The following DSG3 variants were observed in gnomAD, a reference collection of about 807,000 sequenced individuals.
The protein encoded by DSG3 is desmoglein 3, also known as desmoglein-3.
In DSG3, 63 loss-of-function variants were observed where a neutral mutation model predicts 85.9. The observed-to-expected ratio is 0.73, with a 90% confidence interval of 0.60 to 0.90. DSG3 has a LOEUF of 0.90. Among genes scored for constraint, DSG3 ranks in the 40% least tolerant of loss-of-function variants. The pLI is 0.00. For missense variants in DSG3, 1,220 were observed against 1,219.9 expected (o/e 1.00, Z 0.00); for synonymous variants, 447 against 441.9 (o/e 1.01, Z -0.14).
At chr18:31,468,645 A>G (rs2072836500) in intron 11 of DSG3, among the ~76,000 whole-genome samples, 1 of 152,164 alleles carries the variant, frequency 6.6e-6, no homozygotes, top group African/African-American at 2.4e-5. Flanking sequence ...AATAAGTAGT[A>G]AGAGTGTAAG....
In DSG3 at chr18:31,469,355, T is replaced by A. The variant is rs1252920744; in HGVS notation, c.1897+6T>A. ...TGGTCTCCTGCTGCTGCTGTGTGAG[T>A]AGCCAATGTTTCATTCTCTGTTGGA... On this transcript the variant is annotated splice_donor_region_variant and intron_variant, in intron 12 of 15. Coordinates refer to ENST00000257189, the MANE Select transcript of DSG3 (RefSeq NM_001944.3). 1.2e-6 allele frequency: 2 copies of A among 1,612,098 alleles called. No homozygotes were observed. The highest frequency in any genetic ancestry group is 2.7e-5 in the African/African-American group (2 of 74,850).
chr18:31,469,106 A>T lies in DSG3; in HGVS notation c.1654A>T (p.Arg552Ter). ...CTCTACAGCTACCTCGGCCCTCCTC[A>T]GAGCCCAGGAACAGATACCTCCTGG... ...TTLNATSALL[R>*]AQEQIPPGVY... The change falls in exon 12 of 16, where the codon AGA becomes TGA. Residue 552 changes from arginine to a stop codon, truncating the protein, a stop_gained. Transcript: ENST00000257189. LOFTEE classifies it high-confidence loss of function. 6.2e-7 allele frequency: 1 copy of T among 1,613,954 alleles called. No individual in the cohort carries two copies. Among genetic ancestry groups the T allele is most frequent in the South Asian group, 1.1e-5 (1 of 91,084 alleles).
chr18:31,447,772 G>A lies in DSG3; in HGVS notation c.-106G>A. 2 of 896,320 alleles carry A rather than the reference G, an allele frequency of 2.2e-6. No homozygotes were observed. Among genetic ancestry groups the A allele is most frequent in the South Asian group, 1.9e-5 (1 of 51,768 alleles). The allele number at this position is 896,320 out of a possible 1,614,324, so 55.5% of individuals were successfully genotyped here. On this transcript the variant is annotated 5_prime_UTR_variant, in exon 1 of 16. Coordinates refer to ENST00000257189, the MANE Select transcript of DSG3 (RefSeq NM_001944.3). ...GACCATCTGTAGACTCCTTCGGAAAGCAGCAGAGACGCTGCAGAGGGCTTT... is the reference window on the plus strand; with the variant it reads ...GACCATCTGTAGACTCCTTCGGAAAACAGCAGAGACGCTGCAGAGGGCTTT...
chr18:31,465,266 T>A, intron 9 of DSG3, 52 bp from the exon 10 acceptor site: 3 of 1,253,678 alleles, frequency 2.4e-6, no homozygotes, highest in Non-Finnish European at 3.1e-6. Context: ...TCATTAAATA[T>A]GTAACATTCC....
chr18:31,457,699 C>G (rs1368030103), intron 3 of DSG3, among the ~76,000 whole-genome samples: 1 of 151,694 alleles, frequency 6.6e-6, no homozygotes, highest in Admixed American at 6.6e-5. Context: ...GCGATCTCAG[C>G]TCACTGCAAC....
chr18:31,476,065 G>T lies in DSG3; in HGVS notation c.2805G>T (p.Glu935Asp). 1 of 1,614,212 alleles carries T rather than the reference G, an allele frequency of 6.2e-7. No homozygotes were observed. Among genetic ancestry groups the T allele is most frequent in the Non-Finnish European group, 8.5e-7 (1 of 1,180,046 alleles). The change falls in exon 16 of 16, where the codon GAG becomes GAT. Residue 935 changes from glutamate to aspartate, a missense_variant. Physicochemically the swap from Glu to Asp is conservative, Grantham distance 45. Transcript: ENST00000257189. ...PLQHGNYLVT[E>D]TYSASGSLVQ... Reference sequence around the variant, plus strand: ...AGCATGGTAACTATTTAGTAACGGAGACTTACTCGGCTTCTGGTTCCCTCG... The same window carrying T: ...AGCATGGTAACTATTTAGTAACGGATACTTACTCGGCTTCTGGTTCCCTCG...
intron 12 of DSG3, among the ~76,000 whole-genome samples, chr18:31,469,660 C>T (rs113008749): frequency 6.3e-4 from 96 of 152,178 alleles, no homozygotes; most frequent in African/African-American, 2.1e-3. Flanking sequence ...AAAATTATGG[C>T]TTTATCCAAG....
chr18:31,454,606 A>G (rs2072730344), intron 1 of DSG3, among the ~76,000 whole-genome samples: 1 of 152,024 alleles, frequency 6.6e-6, no homozygotes, highest in African/African-American at 2.4e-5. Flanking sequence ...TTCAAGAGCA[A>G]CCATAGTCTT....
In DSG3 at chr18:31,457,116, A is replaced by G; in HGVS notation, c.208A>G (p.Ile70Val). The G allele has an allele frequency of 6.2e-7, 1 of 1,612,048 alleles. No individual in the cohort carries two copies. The highest frequency in any genetic ancestry group is 8.5e-7 in the Non-Finnish European group (1 of 1,179,404). Residue 70 changes from isoleucine to valine, a missense_variant, in exon 3 of 16, where the codon ATT (isoleucine) becomes GTT (valine). Ile to Val is a conservative substitution (Grantham distance 29). Coordinates refer to ENST00000257189, the MANE Select transcript of DSG3 (RefSeq NM_001944.3). ...EGEDNSKRNP[I>V]AKITSDYQAT... ...AGAAGATAACTCAAAAAGAAACCCA[A>G]TTGCCAAGGTAAGTTATATCAACAG...
In DSG3 at chr18:31,466,562, T is replaced by C; in HGVS notation, c.1444T>C (p.Tyr482His). 6.2e-7 allele frequency: 1 copy of C among 1,613,552 alleles called. No individual in the cohort carries two copies. Among genetic ancestry groups the C allele is most frequent in the Non-Finnish European group, 8.5e-7 (1 of 1,179,420 alleles). ...GGGTAAAACTTCTACAGGCACGGTA[T>C]ATGTTAGAGTACCCGATTTCAATGA... ...YTGKTSTGTV[Y>H]VRVPDFNDNC... The change falls in exon 11 of 16, where the codon TAT (tyrosine) becomes CAT (histidine). Residue 482 changes from tyrosine to histidine, a missense_variant. Physicochemically the swap from Tyr to His is moderately conservative, Grantham distance 83. Coordinates refer to ENST00000257189, the MANE Select transcript of DSG3 (RefSeq NM_001944.3).
chr18:31,458,855 C>T (rs1396726778), intron 4 of DSG3, among the ~76,000 whole-genome samples, 178 bp from the exon 5 acceptor site: 1 of 152,224 alleles, frequency 6.6e-6, no homozygotes, highest in Non-Finnish European at 1.5e-5. Context: ...GAAGGGGCAA[C>T]TTGCCCAGTT....
chr18:31,456,585 T>G (rs977747513), intron 2 of DSG3, 110 bp downstream of exon 2: 32 of 533,468 alleles, frequency 6.0e-5, no homozygotes, highest in Non-Finnish European at 8.8e-5. Flanking sequence ...TTCAATAATT[T>G]AATTGTGAAA....
chr18:31,472,562 A>AT, intron 13 of DSG3, 139 bp downstream of exon 13: 1 of 1,256,154 alleles, frequency 8.0e-7, no homozygotes, highest in South Asian at 1.5e-5. Flanking sequence ...GGCTTTTAGG[A>AT]TTTTAGCTCT....
chr18:31,477,816 C>G lies in DSG3; in HGVS notation c.*1556C>G, dbSNP rs1490668310. On this transcript the variant is annotated 3_prime_UTR_variant, in exon 16 of 16. Transcript: ENST00000257189. ...GCTTACTGACATTGTCTTAGCTGAT[C>G]ACAAGATCATTATCAGCCTCCATTA... 1.3e-5 allele frequency: 2 copies of G among 152,230 alleles called. No homozygotes were observed. Among genetic ancestry groups the G allele is most frequent in the South Asian group, 2.1e-4 (1 of 4,830 alleles). The allele number at this position is 152,230 out of a possible 1,614,324, so 9.4% of individuals were successfully genotyped here.
intron 8 of DSG3, among the ~76,000 whole-genome samples, chr18:31,462,965 A>G (rs1384393902): frequency 6.6e-6 from 1 of 152,204 alleles, no homozygotes; most frequent in Non-Finnish European, 1.5e-5. Flanking sequence ...TTCCCTTGAC[A>G]GTAAGGGTGT....
rs537996572 is a variant in DSG3, at chr18:31,451,607, G to A, written c.48+3682G>A. ...TAAGATATCTCTTCTTCTCCTGATT[G>A]ACCCAGTTTCCAGCACTGCTAATAT... On this transcript the variant is annotated intron_variant, in intron 1 of 15. Transcript: ENST00000257189. Among the ~76,000 whole-genome samples, 6 of 152,210 alleles carry A rather than the reference G, an allele frequency of 3.9e-5. No individual in the cohort carries two copies. The South Asian group carries it at 1.2e-3, about 32-fold the overall frequency.
At position 31,447,900 on chromosome 18, in the gene DSG3, C is replaced by A; in HGVS notation, c.23C>A (p.Thr8Asn). The change falls in exon 1 of 16, where the codon ACT becomes AAT. Residue 8 changes from threonine (T) to asparagine (N), a missense_variant. Transcript: ENST00000257189. MMGLFPR[T>N]TGALAIFVVV... The stretch of plus-strand genomic sequence containing the variant: ...ACAATGATGGGGCTCTTCCCCAGAA[C>A]TACAGGGGCTCTGGCCATCTTCGTG... 6.3e-7 allele frequency: 1 copy of A among 1,590,628 alleles called. No homozygotes were observed. Among genetic ancestry groups the A allele is most frequent in the Non-Finnish European group, 8.5e-7 (1 of 1,170,110 alleles).
chr18:31,450,819 G>A (rs1216988390), intron 1 of DSG3, among the ~76,000 whole-genome samples: 7 of 152,138 alleles, frequency 4.6e-5, no homozygotes, highest in Non-Finnish European at 4.4e-5. Context: ...AAGATGAAGT[G>A]ATTTGTAAAC....
chr18:31,447,773 C>G lies in DSG3; in HGVS notation c.-105C>G, dbSNP rs571860300. 1.1e-6 allele frequency: 1 copy of G among 910,844 alleles called. No individual in the cohort carries two copies. Among genetic ancestry groups the G allele is most frequent in the Non-Finnish European group, 1.6e-6 (1 of 610,286 alleles). The allele number at this position is 910,844 out of a possible 1,614,324, so 56.4% of individuals were successfully genotyped here. A position where few individuals can be genotyped will look rare whatever the true frequency, so the allele number is the denominator to read the frequency against. On this transcript the variant is annotated 5_prime_UTR_variant, in exon 1 of 16. Coordinates refer to ENST00000257189, the MANE Select transcript of DSG3 (RefSeq NM_001944.3). ...ACCATCTGTAGACTCCTTCGGAAAG[C>G]AGCAGAGACGCTGCAGAGGGCTTTT...
Sources: allele counts gnomAD v4.1 joint callset (sites outside exome capture counted in the v4.1 genomes callset), GRCh38; gene constraint gnomAD v4.1.1; transcripts MANE v1.5; gene names NCBI Gene and HGNC (gene_info 2026-07-23, HGNC 2026-07-21).